IL1RAP: variants seen among roughly 807,000 people sequenced by gnomAD.
The protein encoded by IL1RAP is interleukin-1 receptor accessory protein.
In IL1RAP, 35 loss-of-function variants were observed where a neutral mutation model predicts 60.7. The ratio of observed to expected loss-of-function variants is 0.58; its 90% CI spans 0.44 to 0.76. IL1RAP has a LOEUF of 0.76. Ranked by LOEUF, IL1RAP falls within the 30% of genes least tolerant of loss-of-function variation. IL1RAP has a pLI of 0.00. For missense variants in IL1RAP, 572 were observed against 693.9 expected (o/e 0.82, Z 1.97); for synonymous variants, 268 against 250.9 (o/e 1.07, Z -0.64).
intron 3 of IL1RAP, among the ~76,000 whole-genome samples, chr3:190,572,625 A>G (rs1022295702): frequency 6.6e-6 from 1 of 152,156 alleles, no homozygotes; most frequent in African/African-American, 2.4e-5. Context: ...TTAATACCAC[A>G]TTTAAATACT....
At chr3:190,575,251 C>T (rs778960563) in intron 3 of IL1RAP, among the ~76,000 whole-genome samples, 3 of 152,098 alleles carry the variant, frequency 2.0e-5, no homozygotes, top group Non-Finnish European at 2.9e-5. Flanking sequence ...AGACATTGTG[C>T]GTGTATTCAT....
At chr3:190,577,100 CAAAA>C (rs34108263) in intron 3 of IL1RAP, among the ~76,000 whole-genome samples, 3 of 86,520 alleles carry the variant, frequency 3.5e-5, no homozygotes, top group Admixed American at 1.2e-4. Context: ...GACTCCGTCT[CAAAA>C]AAAAAAAAAA....
intron 9 of IL1RAP, among the ~76,000 whole-genome samples, chr3:190,633,037 C>T (rs972238718): frequency 6.6e-6 from 1 of 151,304 alleles, no homozygotes; most frequent in African/African-American, 2.4e-5. Flanking sequence ...TGTCTTCCCC[C>T]TTTTTTCTTT....
At chr3:190,571,361 A>G (rs1010415959) in intron 3 of IL1RAP, among the ~76,000 whole-genome samples, 1 of 151,966 alleles carries the variant, frequency 6.6e-6, no homozygotes, top group African/African-American at 2.4e-5. Flanking sequence ...AAAAAAAATT[A>G]AAAAAATAGC....
chr3:190,615,620 C>CTTTTCTA (rs1056389546), intron 5 of IL1RAP, among the ~76,000 whole-genome samples: 3 of 152,130 alleles, frequency 2.0e-5, no homozygotes, highest in African/African-American at 7.2e-5. Context: ...TAGATAATGA[C>CTTTTCTA]TTTTCTATTA....
At position 190,613,832 on chromosome 3, in the gene IL1RAP, C is replaced by CAA. The variant is rs79787574; in HGVS notation, c.537+4661_537+4662dup. Among the ~76,000 whole-genome samples the CAA allele has an allele frequency of 2.9e-5, 4 of 140,314 alleles. No homozygotes were observed. In the South Asian group the frequency reaches 6.7e-4, roughly 24 times the overall value. The allele number at this position is 140,314 out of a possible 152,430, so 92.1% of individuals were successfully genotyped here. A position where few individuals can be genotyped will look rare whatever the true frequency, so the allele number is the denominator to read the frequency against. ...TGGGCAATGGAGGGAGACTCCATTT[C>CAA]AAAAAAAAAAAGACAACAACCAGTC... is the stretch of plus-strand genomic sequence containing the variant. On this transcript the variant is annotated intron_variant, in intron 5 of 11. Transcript: ENST00000447382.
chr3:190,519,481 A>T (rs1319172451), intron 1 of IL1RAP, among the ~76,000 whole-genome samples: 1 of 152,122 alleles, frequency 6.6e-6, no homozygotes, highest in East Asian at 1.9e-4. Context: ...CCTAATTAGT[A>T]AAGATTGGAA....
In IL1RAP at chr3:190,649,708, G is replaced by A. The variant is rs1360834708; in HGVS notation, c.*1003G>A. 1 of 985,650 alleles carries A rather than the reference G, an allele frequency of 1.0e-6. No individual in the cohort carries two copies. The highest frequency in any genetic ancestry group is 1.2e-6 in the Non-Finnish European group (1 of 829,906). 61.1% of individuals were successfully genotyped at this position (985,650 alleles called of 1,614,324 possible). ...TAAAGGGCGGAGGTCAGTCTTAGTG[G>A]CCTTGAGAGTTGCTTTTGGCATTAA... is the stretch of plus-strand genomic sequence containing the variant. On this transcript the variant is annotated 3_prime_UTR_variant, in exon 12 of 12. Transcript: ENST00000447382.
chr3:190,580,957 A>G (rs1727946947), intron 3 of IL1RAP, among the ~76,000 whole-genome samples: 1 of 152,226 alleles, frequency 6.6e-6, no homozygotes, highest in South Asian at 2.1e-4. Flanking sequence ...TCAAATATAT[A>G]CAGCTTTCTG....
chr3:190,638,784 T>C (rs1210858684), intron 9 of IL1RAP, among the ~76,000 whole-genome samples: 1 of 152,152 alleles, frequency 6.6e-6, no homozygotes, highest in Non-Finnish European at 1.5e-5. Flanking sequence ...TTTCCTTTCA[T>C]ACCGATATCC....
intron 11 of IL1RAP, among the ~76,000 whole-genome samples, chr3:190,646,797 C>T (rs894125008): frequency 3.3e-5 from 5 of 152,096 alleles, no homozygotes; most frequent in African/African-American, 1.2e-4. Context: ...ATTTTATTCT[C>T]ATTTTGATTT....
At chr3:190,537,167 A>C (rs2108552032) in intron 1 of IL1RAP, among the ~76,000 whole-genome samples, 1 of 152,314 alleles carries the variant, frequency 6.6e-6, no homozygotes, top group Non-Finnish European at 1.5e-5. Context: ...CAGAAACAAG[A>C]AGTGATAGAG....
intron 1 of IL1RAP, chr3:190,518,813 C>T (rs1721758366): frequency 1.3e-5 from 2 of 152,248 alleles, no homozygotes; most frequent in Admixed American, 6.5e-5. Context: ...ACCTACCCCA[C>T]ATGATTCAAT....
chr3:190,523,836 A>G lies in IL1RAP; in HGVS notation c.-89+9617A>G, dbSNP rs1025216099. ...TAGTGCTCAGTGAACATACACATGC[A>G]TATGTCTTTATAATAGAATAATTTA... On this transcript the variant is annotated intron_variant, in intron 1 of 11. Transcript: ENST00000447382. Among the ~76,000 whole-genome samples the G allele has an allele frequency of 3.3e-5, 5 of 152,184 alleles. No homozygotes were observed. The East Asian group carries it at 5.8e-4, about 18-fold the overall frequency.
intron 1 of IL1RAP, among the ~76,000 whole-genome samples, chr3:190,535,140 A>G (rs1177274667): frequency 3.9e-5 from 6 of 152,136 alleles, no homozygotes; most frequent in Non-Finnish European, 7.3e-5. Flanking sequence ...GTCCTGAGGA[A>G]GCTTAAAGAT....
chr3:190,532,928 T>C (rs867856373), intron 1 of IL1RAP, among the ~76,000 whole-genome samples: 49 of 152,318 alleles, frequency 3.2e-4, no homozygotes, highest in African/African-American at 1.1e-3. Context: ...CCTTAATCAA[T>C]TGATGATAGT....
chr3:190,631,512 G>A lies in IL1RAP; in HGVS notation c.1051+2014G>A, dbSNP rs75016031. ...CCTGTGTATTTCCGGTGGTACCAGA[G>A]GAGTTGTGGTTTTCTTCACTTGGCT... On this transcript the variant is annotated intron_variant, in intron 9 of 11. Coordinates refer to ENST00000447382, the MANE Select transcript of IL1RAP (RefSeq NM_002182.4). Among the ~76,000 whole-genome samples, 940 of 152,248 alleles carry A rather than the reference G, an allele frequency of 6.2e-3. 3 individuals carry two copies. Among genetic ancestry groups the A allele is most frequent in the Middle Eastern group, 0.024 (7 of 294 alleles).
chr3:190,522,526 G>C (rs1722175507), intron 1 of IL1RAP, among the ~76,000 whole-genome samples: 1 of 151,698 alleles, frequency 6.6e-6, no homozygotes, highest in Admixed American at 6.6e-5. Flanking sequence ...TTAATAGCTG[G>C]CACCTAGAAG....
intron 5 of IL1RAP, among the ~76,000 whole-genome samples, chr3:190,615,564 C>T (rs930079493): frequency 3.3e-5 from 5 of 152,178 alleles, no homozygotes; most frequent in Non-Finnish European, 7.4e-5. Flanking sequence ...TTGTAGATTA[C>T]ATTTATGACA....
Sources: allele counts gnomAD v4.1 joint callset (sites outside exome capture counted in the v4.1 genomes callset), GRCh38; gene constraint gnomAD v4.1.1; transcripts MANE v1.5; gene names NCBI Gene and HGNC (gene_info 2026-07-23, HGNC 2026-07-21).